Variants in EIF4G3 observed in about 807,000 individuals in gnomAD.
The protein encoded by EIF4G3 is eukaryotic translation initiation factor 4 gamma 3.
Under a neutral mutation model 186.4 loss-of-function variants are expected in EIF4G3, and 34 were observed. The observed-to-expected ratio is 0.18, with a 90% CI of 0.14 to 0.24. EIF4G3 has a LOEUF of 0.24. Among genes scored for constraint, EIF4G3 ranks in the 10% least tolerant of loss-of-function variants. EIF4G3 has a pLI of 1.00. For synonymous variants in EIF4G3, 673 were observed against 679.5 expected (o/e 0.99, Z 0.15); for missense variants, 1,536 against 1,948.5 (o/e 0.79, Z 3.99).
chr1:21,174,682 C>G (rs1296131281), intron 2 of EIF4G3: 3 of 152,192 alleles, frequency 2.0e-5, no homozygotes, highest in East Asian at 1.9e-4. Context: ...AATCTTCCCC[C>G]ACCCCAGAGA....
At chr1:21,121,547 G>A (rs920425054) in intron 2 of EIF4G3, among the ~76,000 whole-genome samples, 2 of 152,082 alleles carry the variant, frequency 1.3e-5, no homozygotes, top group African/African-American at 4.8e-5. Context: ...GGCCAAGGCG[G>A]GCAGATCACA....
At chr1:20,812,029 G>A (rs1341427004) in intron 35 of EIF4G3, among the ~76,000 whole-genome samples, 3 of 152,180 alleles carry the variant, frequency 2.0e-5, no homozygotes, top group Non-Finnish European at 4.4e-5. Flanking sequence ...ATGATAAAAA[G>A]GGGCTGAGAA....
intron 30 of EIF4G3, among the ~76,000 whole-genome samples, chr1:20,836,179 C>T (rs1295993170): frequency 6.6e-6 from 1 of 152,112 alleles, no homozygotes; most frequent in Non-Finnish European, 1.5e-5. Flanking sequence ...GATAGGGTTT[C>T]ACCATGTTGC....
chr1:20,849,382 C>CTG (rs760758938), intron 29 of EIF4G3, 33 bp downstream of exon 29: 2 of 1,209,542 alleles, frequency 1.7e-6, no homozygotes, highest in South Asian at 1.5e-5. Context: ...AAAGGACTTA[C>CTG]TGTGTGTGTG....
At chr1:21,102,405 C>T (rs2096544654) in intron 2 of EIF4G3, among the ~76,000 whole-genome samples, 1 of 152,216 alleles carries the variant, frequency 6.6e-6, no homozygotes, top group South Asian at 2.1e-4. Flanking sequence ...AGACTGCCAA[C>T]TTCAAATTAT....
chr1:21,099,448 T>C (rs977572637), intron 2 of EIF4G3, among the ~76,000 whole-genome samples: 1 of 152,232 alleles, frequency 6.6e-6, no homozygotes, highest in African/African-American at 2.4e-5. Context: ...GAATTAACTA[T>C]TAATAAACAC....
intron 33 of EIF4G3, among the ~76,000 whole-genome samples, chr1:20,822,465 C>T (rs570245157): frequency 6.7e-6 from 1 of 148,736 alleles, no homozygotes; most frequent in African/African-American, 2.5e-5. Context: ...CCTGGAGAAC[C>T]AGCTTTTGAT....
intron 2 of EIF4G3, among the ~76,000 whole-genome samples, chr1:21,142,627 CA>C (rs2102678662): frequency 6.6e-6 from 1 of 152,090 alleles, no homozygotes; most frequent in South Asian, 2.1e-4. Context: ...AATCAGGAAC[CA>C]AACCATTTAA....
At chr1:20,893,324 T>C (rs1022606899) in intron 18 of EIF4G3, 193 bp downstream of exon 18, 1 of 504,792 alleles carries the variant, frequency 2.0e-6, no homozygotes, top group African/African-American at 2.0e-5. Flanking sequence ...GCAGACTAGC[T>C]TCTGCCAAGT....
chr1:20,952,154 CTTTTTTTT>C (rs71014131), intron 12 of EIF4G3, among the ~76,000 whole-genome samples: 1 of 114,530 alleles, frequency 8.7e-6, no homozygotes, highest in Non-Finnish European at 1.9e-5. Flanking sequence ...TAATTCAACA[CTTTTTTTT>C]TTTTTTTTTT....
Position 20,980,371 on chromosome 1 carries a change from A to G in EIF4G3, c.456T>C (p.Tyr152=), listed in dbSNP as rs778007979. The G allele has an allele frequency of 1.4e-5, 21 of 1,550,682 alleles. No homozygotes were observed. The South Asian group carries it at 2.6e-4, about 19-fold the overall frequency. ...PVQPPGPGPF[Y]PGPGPGDFPN... The stretch of plus-strand genomic sequence containing the variant: ...GGAAGTCCCCAGGTCCTGGTCCAGG[A>G]TAAAAAGGACCTGGCCCCGGTGGTT... The change falls in exon 10 of 37, where the codon TAT becomes TAC. Residue 152 remains tyrosine, a synonymous_variant. Transcript: ENST00000602326.
intron 7 of EIF4G3, among the ~76,000 whole-genome samples, chr1:20,993,632 T>C (rs993511192): frequency 6.6e-6 from 1 of 152,030 alleles, no homozygotes; most frequent in African/African-American, 2.4e-5. Context: ...AAAAATAAAT[T>C]GAGATCAAAG....
At chr1:20,999,233 T>C (rs2082950110) in intron 6 of EIF4G3, 1 of 271,294 alleles carries the variant, frequency 3.7e-6, no homozygotes, top group Non-Finnish European at 7.5e-6. Flanking sequence ...CTAATCAATA[T>C]AATATAGTTT....
chr1:20,823,636 A>C (rs1008637964), intron 33 of EIF4G3, among the ~76,000 whole-genome samples: 2 of 151,960 alleles, frequency 1.3e-5, no homozygotes, highest in African/African-American at 4.8e-5. Flanking sequence ...CAGCCTCCCA[A>C]AGTGCTAGGA....
chr1:21,164,548 G>C, intron 2 of EIF4G3, among the ~76,000 whole-genome samples: 1 of 152,016 alleles, frequency 6.6e-6, no homozygotes, highest in East Asian at 1.9e-4. Context: ...GCAACACAGT[G>C]AGACTCTGTC....
chr1:21,145,819 A>C (rs563708378), intron 2 of EIF4G3, among the ~76,000 whole-genome samples: 10 of 152,298 alleles, frequency 6.6e-5, no homozygotes, highest in Non-Finnish European at 1.2e-4. Context: ...AGTGGCTCAT[A>C]TCTGCAATCC....
chr1:20,968,427 C>G (rs1265689543), intron 12 of EIF4G3, among the ~76,000 whole-genome samples: 1 of 152,120 alleles, frequency 6.6e-6, no homozygotes, highest in Non-Finnish European at 1.5e-5. Flanking sequence ...TGATTTGGCC[C>G]ACCTCAGCCT....
intron 2 of EIF4G3, among the ~76,000 whole-genome samples, chr1:21,137,578 G>A (rs1176663990): frequency 6.6e-6 from 1 of 152,126 alleles, no homozygotes; most frequent in Admixed American, 6.6e-5. Context: ...GGAGTTAGAG[G>A]CAGGAGGATC....
chr1:21,058,695 T>TTTC (rs1029211017), intron 3 of EIF4G3, among the ~76,000 whole-genome samples: 1 of 147,714 alleles, frequency 6.8e-6, no homozygotes, highest in African/African-American at 2.5e-5. Flanking sequence ...CCCAGTAATT[T>TTTC]TTCTTCTTCT....
Sources: allele counts gnomAD v4.1 joint callset (sites outside exome capture counted in the v4.1 genomes callset), GRCh38; gene constraint gnomAD v4.1.1; transcripts MANE v1.5; gene names NCBI Gene and HGNC (gene_info 2026-07-23, HGNC 2026-07-21).